The following CILK1 variants were observed in gnomAD, a reference collection of about 807,000 sequenced individuals.
CILK1 encodes ciliogenesis associated kinase 1, also known as serine/threonine-protein kinase ICK.
A neutral mutation model predicts 79.2 loss-of-function variants in CILK1; 47 were observed. That is an observed-to-expected ratio of 0.59 (90% CI 0.47 to 0.76). The LOEUF (loss-of-function observed/expected upper bound fraction) is 0.76. Among genes scored for constraint, CILK1 ranks in the 30% least tolerant of loss-of-function variants. The probability of loss-of-function intolerance (pLI) is 0.00; values close to 1 mark genes in which losing one functional copy is unlikely to be tolerated. For missense variants in CILK1, 660 were observed against 769.5 expected, an observed-to-expected ratio of 0.86 and a Z score of 1.68; for synonymous variants, 266 against 275.9, an observed-to-expected ratio of 0.96 and a Z score of 0.36.
At chr6:53,030,636 C>T (rs1364185587) in intron 5 of CILK1, among the ~76,000 whole-genome samples, 5 of 151,938 alleles carry the variant, frequency 3.3e-5, no homozygotes, top group African/African-American at 7.3e-5. Flanking sequence ...TTTCCTGTGT[C>T]GCATACATTT....
chr6:53,010,555 C>T (rs948880770), intron 11 of CILK1, among the ~76,000 whole-genome samples: 1 of 152,228 alleles, frequency 6.6e-6, no homozygotes, highest in Admixed American at 6.5e-5. Context: ...CCTCATACTA[C>T]ACATTACGTC....
rs757135901 is a variant in CILK1, at chr6:53,012,213, G to A, written c.1167C>T (p.Gly389=). The A allele has an allele frequency of 1.2e-6, 2 of 1,614,050 alleles. No individual in the cohort carries two copies. The highest frequency in any genetic ancestry group is 1.1e-5 in the South Asian group (1 of 91,070). ...TTATCTCACCATTTTTGTGCTCCAGGCCAGCTGTGATTTTCTGTGTAAACA... is the reference window on the plus strand; with the variant it reads ...TTATCTCACCATTTTTGTGCTCCAGACCAGCTGTGATTTTCTGTGTAAACA... ...NKHPQSKITA[G]LEHKNGEIKP... The change falls in exon 10 of 14, where the codon GGC becomes GGT. Residue 389 remains glycine (G), a synonymous_variant. Transcript: ENST00000676107.
chr6:53,057,191 G>A (rs1036399358), intron 1 of CILK1, among the ~76,000 whole-genome samples: 2 of 151,994 alleles, frequency 1.3e-5, no homozygotes, highest in African/African-American at 2.4e-5. Flanking sequence ...TTTCCTTTCC[G>A]GTTCTCAGGC....
At chr6:53,027,683 A>G (rs187724780) in intron 5 of CILK1, among the ~76,000 whole-genome samples, 2 of 152,336 alleles carry the variant, frequency 1.3e-5, no homozygotes, top group East Asian at 3.9e-4. Context: ...AAACCATTAG[A>G]CAATTTCTAA....
intron 5 of CILK1, among the ~76,000 whole-genome samples, chr6:53,025,725 T>C (rs1045887749): frequency 6.6e-6 from 1 of 152,204 alleles, no homozygotes; most frequent in African/African-American, 2.4e-5. Context: ...TCAGTTGACA[T>C]ATGCTGTATT....
chr6:53,019,832 G>T (rs374612051), intron 5 of CILK1, among the ~76,000 whole-genome samples: 82 of 140,102 alleles, frequency 5.9e-4, no homozygotes, highest in South Asian at 4.1e-3. Context: ...TAGTTTTTTT[G>T]TTTTTTTTTT....
chr6:53,021,324 T>C (rs1434020972), intron 5 of CILK1, among the ~76,000 whole-genome samples: 2 of 100,146 alleles, frequency 2.0e-5, no homozygotes, highest in Non-Finnish European at 3.8e-5. Context: ...GACTTCGTTT[T>C]GGAGCGGCGC....
chr6:53,061,212 A>G (rs1234661275), intron 1 of CILK1, among the ~76,000 whole-genome samples: 1 of 152,230 alleles, frequency 6.6e-6, no homozygotes, highest in Admixed American at 6.5e-5. Flanking sequence ...CAGAACAGAA[A>G]GAAATCCAGT....
rs1252890010 is a variant in CILK1, at chr6:53,002,551, C to A, written c.*2598G>T. The A allele has an allele frequency of 1.3e-5, 2 of 152,198 alleles. No individual in the cohort carries two copies. The highest frequency in any genetic ancestry group is 2.4e-5 in the African/African-American group (1 of 41,462). 9.4% of individuals were successfully genotyped at this position (152,198 alleles called of 1,614,324 possible). ...AACAGAGAGACAAAAGAAATGGTTA[C>A]TATTCCCTTCTATAGTGCATAGGTT... On this transcript the variant is annotated 3_prime_UTR_variant, in exon 14 of 14. Coordinates refer to ENST00000676107, the MANE Select transcript of CILK1 (RefSeq NM_014920.5).
intron 11 of CILK1, among the ~76,000 whole-genome samples, chr6:53,011,480 T>G (rs1165695227): frequency 1.3e-5 from 2 of 152,064 alleles, no homozygotes; most frequent in Non-Finnish European, 2.9e-5. Flanking sequence ...GCACCTGTAG[T>G]CCCAGCTACT....
intron 12 of CILK1, among the ~76,000 whole-genome samples, chr6:53,008,952 G>A (rs1764400406): frequency 6.6e-6 from 1 of 152,246 alleles, no homozygotes; most frequent in African/African-American, 2.4e-5. Context: ...TTGGGACTCA[G>A]TAAATTCATT....
At chr6:53,056,983 G>C (rs1767928158) in intron 1 of CILK1, among the ~76,000 whole-genome samples, 1 of 152,154 alleles carries the variant, frequency 6.6e-6, no homozygotes, top group Non-Finnish European at 1.5e-5. Context: ...AAGATCACAT[G>C]AAGGCATGTA....
In CILK1 at chr6:53,015,918, T is replaced by G. The variant is rs1018498230; in HGVS notation, c.831+165A>C. The G allele has an allele frequency of 1.7e-5, 12 of 694,904 alleles. No homozygotes were observed. The Admixed American group carries it at 2.0e-4, about 12-fold the overall frequency. 43.0% of individuals were successfully genotyped at this position (694,904 alleles called of 1,614,324 possible). On this transcript the variant is annotated intron_variant, in intron 8 of 13. Transcript: ENST00000676107. ...TACATTGTAACTACTTTATACCCAGTAAGTTTCAAACTATTTTAAGTTCTC... is the reference window on the plus strand; with the variant it reads ...TACATTGTAACTACTTTATACCCAGGAAGTTTCAAACTATTTTAAGTTCTC...
chr6:53,058,513 C>T (rs1025169599), intron 1 of CILK1, among the ~76,000 whole-genome samples: 3 of 152,132 alleles, frequency 2.0e-5, no homozygotes, highest in South Asian at 4.1e-4. Context: ...CACAATTACA[C>T]TGTAATCCCA....
chr6:53,014,054 A>G (rs1764753564), intron 8 of CILK1, 72 bp from the exon 9 acceptor site: 2 of 1,195,858 alleles, frequency 1.7e-6, no homozygotes, highest in Non-Finnish European at 1.2e-6. Context: ...TTACTGGGCT[A>G]TATTTCATTG....
intron 5 of CILK1, among the ~76,000 whole-genome samples, chr6:53,019,839 T>TG (rs1442604608): frequency 6.6e-6 from 1 of 151,502 alleles, no homozygotes; most frequent in Non-Finnish European, 1.5e-5. Context: ...TTTGTTTTTT[T>TG]TTTTTTTGTT....
chr6:53,030,907 G>C (rs1404815943), intron 5 of CILK1, among the ~76,000 whole-genome samples, 158 bp downstream of exon 5: 1 of 152,230 alleles, frequency 6.6e-6, no homozygotes, highest in African/African-American at 2.4e-5. Context: ...CAGAGATCAA[G>C]TTATAAAAGT....
chr6:53,043,451 G>A (rs111377979), intron 1 of CILK1, among the ~76,000 whole-genome samples: 15 of 152,170 alleles, frequency 9.9e-5, no homozygotes, highest in African/African-American at 3.6e-4. Flanking sequence ...CTTTATCACA[G>A]AATCAAACAA....
chr6:53,061,571 C>T (rs1416700417), intron 1 of CILK1, 25 bp downstream of exon 1: 1 of 152,394 alleles, frequency 6.6e-6, no homozygotes, highest in East Asian at 1.9e-4. Context: ...CGGCAGAAGC[C>T]CCTAAATCCC....
Sources: gnomAD v4.1 joint callset for allele counts (sites outside exome capture counted in the v4.1 genomes callset) on GRCh38, gnomAD v4.1.1 for gene constraint, MANE v1.5 for transcripts, NCBI Gene and HGNC (gene_info 2026-07-23, HGNC 2026-07-21) for gene names.